PCDHA9: variants seen among roughly 807,000 people sequenced by gnomAD.
The protein encoded by PCDHA9 is protocadherin alpha 9.
In PCDHA9, 62 loss-of-function variants were observed where a neutral mutation model predicts 62.0. The observed-to-expected ratio is 1.00, with a 90% CI of 0.81 to 1.23. PCDHA9 has a LOEUF of 1.23. Ranked by LOEUF, PCDHA9 falls within the 50% of genes most tolerant of loss-of-function variation. PCDHA9 has a pLI of 0.00. For missense variants in PCDHA9, 1,205 were observed against 1,249.8 expected, an observed-to-expected ratio of 0.96 and a Z score of 0.54; for synonymous variants, 557 against 567.6, an observed-to-expected ratio of 0.98 and a Z score of 0.27.
intron 1 of PCDHA9, chr5:140,881,384 G>T (rs1299609025): frequency 2.0e-6 from 2 of 984,186 alleles, no homozygotes; most frequent in Non-Finnish European, 2.4e-6. Flanking sequence ...GCCGGCGGCG[G>T]TAAGTTAAAT....
intron 1 of PCDHA9, among the ~76,000 whole-genome samples, chr5:140,855,122 G>C (rs1327374532): frequency 1.3e-5 from 2 of 149,706 alleles, no homozygotes; most frequent in African/African-American, 4.9e-5. Flanking sequence ...CATTCTATAG[G>C]TAATAATTTT....
intron 1 of PCDHA9, among the ~76,000 whole-genome samples, chr5:140,879,496 C>T (rs186624809): frequency 6.6e-6 from 1 of 152,204 alleles, no homozygotes; most frequent in Admixed American, 6.5e-5. Context: ...GGGTCTGGAT[C>T]TCAGAAGAGA....
chr5:141,009,709 C>T lies in PCDHA9; in HGVS notation c.2625C>T (p.Asn875=). The part of the protein sequence containing the change: ...NSWTFKYGPG[N]PKQSGPGELP... ...GGACCTTTAAATACGGACCAGGCAA[C>T]CCCAAACAATCCGGTCCCGGTGAGT... The change falls in exon 4 of 4, where the codon AAC becomes AAT. Residue 875 remains asparagine (N), a synonymous_variant. Coordinates refer to ENST00000532602, the MANE Select transcript of PCDHA9 (RefSeq NM_031857.2). 1 of 1,614,118 alleles carries T rather than the reference C, an allele frequency of 6.2e-7. No homozygotes were observed. Among genetic ancestry groups the T allele is most frequent in the Non-Finnish European group, 8.5e-7 (1 of 1,180,024 alleles).
At chr5:140,989,723 G>A (rs2097356372) in intron 3 of PCDHA9, among the ~76,000 whole-genome samples, 1 of 152,180 alleles carries the variant, frequency 6.6e-6, no homozygotes, top group African/African-American at 2.4e-5. Flanking sequence ...CAGCTTTGCA[G>A]TTGAAAAGGC....
At chr5:140,948,563 A>AT (rs1400147953) in intron 1 of PCDHA9, among the ~76,000 whole-genome samples, 1 of 151,546 alleles carries the variant, frequency 6.6e-6, no homozygotes, top group African/African-American at 2.4e-5. Flanking sequence ...GTTAAGTTGT[A>AT]TTTTTTAAAG....
chr5:140,932,125 A>G (rs1272736604), intron 1 of PCDHA9, among the ~76,000 whole-genome samples: 1 of 151,932 alleles, frequency 6.6e-6, no homozygotes, highest in African/African-American at 2.4e-5. Context: ...ATAATATTTA[A>G]GATATAAACA....
chr5:140,981,685 C>G lies in PCDHA9; in HGVS notation c.2454-790C>G, dbSNP rs369964011. 6.6e-4 allele frequency among the ~76,000 whole-genome samples: 101 copies of G among 152,166 alleles called. No individual in the cohort carries two copies. In the South Asian group the frequency reaches 0.018, roughly 27 times the overall value. ...TCCTTCCTTTCTTCCTTCCTCCCTT[C>G]CATCATTCATTCATTCATTCATTCA... On this transcript the variant is annotated intron_variant, in intron 2 of 3. Transcript: ENST00000532602.
intron 1 of PCDHA9, chr5:140,863,165 C>G (rs1367294208): frequency 1.5e-6 from 1 of 666,560 alleles, no homozygotes; most frequent in Non-Finnish European, 2.7e-6. Context: ...TGCGAGCTGG[C>G]GCTGACTGCC....
chr5:140,869,274 G>A, intron 1 of PCDHA9: 1 of 1,613,594 alleles, frequency 6.2e-7, no homozygotes. Context: ...TGGAGCTGGC[G>A]GAGCTGGTGC....
At chr5:140,894,947 A>G (rs1257936552) in intron 1 of PCDHA9, among the ~76,000 whole-genome samples, 1 of 152,178 alleles carries the variant, frequency 6.6e-6, no homozygotes, top group Non-Finnish European at 1.5e-5. Flanking sequence ...TTGTCATGAA[A>G]TGATAAAAAT....
At chr5:141,007,145 A>C (rs528280563) in intron 3 of PCDHA9, among the ~76,000 whole-genome samples, 1 of 152,330 alleles carries the variant, frequency 6.6e-6, no homozygotes, top group Admixed American at 6.5e-5. Context: ...CTGACAAAGG[A>C]AACTGTCAAA....
At chr5:140,856,946 G>A (rs372611675) in intron 1 of PCDHA9, 3 of 1,593,218 alleles carry the variant, frequency 1.9e-6, no homozygotes, top group East Asian at 2.2e-5. Context: ...AAGGACGGGA[G>A]AAATAAAAGT....
At position 140,849,104 on chromosome 5, in the gene PCDHA9, A is replaced by G; in HGVS notation, c.609A>G (p.Glu203=). ...TATTACGGAAACTTTTAGACAGAGA[A>G]GAAACTCCGGAGCTTCATTTATTGC... ...GLVLRKLLDR[E]ETPELHLLLT... Residue 203 remains glutamate (E), a synonymous_variant, in exon 1 of 4, where the codon GAA becomes GAG. Coordinates refer to ENST00000532602, the MANE Select transcript of PCDHA9 (RefSeq NM_031857.2). 6.8e-7 allele frequency: 1 copy of G among 1,463,110 alleles called. No individual in the cohort carries two copies. Among genetic ancestry groups the G allele is most frequent in the Non-Finnish European group, 9.3e-7 (1 of 1,078,622 alleles). 90.6% of individuals were successfully genotyped at this position (1,463,110 alleles called of 1,614,324 possible).
intron 1 of PCDHA9, among the ~76,000 whole-genome samples, chr5:140,921,566 T>C (rs775027482): frequency 4.6e-5 from 7 of 152,304 alleles, no homozygotes; most frequent in Middle Eastern, 3.4e-3. Flanking sequence ...TATTATGTTA[T>C]AGTAGAGCTC....
At chr5:140,947,771 T>A (rs1167163964) in intron 1 of PCDHA9, among the ~76,000 whole-genome samples, 1 of 151,706 alleles carries the variant, frequency 6.6e-6, no homozygotes, top group Non-Finnish European at 1.5e-5. Flanking sequence ...AAAATTCTAT[T>A]GTAAATGGAT....
intron 3 of PCDHA9, among the ~76,000 whole-genome samples, chr5:140,991,573 G>C (rs1406319253): frequency 2.0e-5 from 3 of 152,036 alleles, no homozygotes; most frequent in Non-Finnish European, 4.4e-5. Context: ...CCAATAACAG[G>C]CTCCTTATTT....
chr5:140,900,630 G>A (rs1355486036), intron 1 of PCDHA9, among the ~76,000 whole-genome samples: 3 of 152,132 alleles, frequency 2.0e-5, no homozygotes, highest in African/African-American at 7.2e-5. Context: ...TCCAAATCTT[G>A]GCTATTGTGA....
chr5:140,984,964 G>C (rs930753325), intron 3 of PCDHA9, among the ~76,000 whole-genome samples: 1 of 151,818 alleles, frequency 6.6e-6, no homozygotes, highest in Non-Finnish European at 1.5e-5. Context: ...TTGAGACAGA[G>C]TCTCGCTCTG....
At position 140,870,413 on chromosome 5, in the gene PCDHA9, C is replaced by G. The variant is rs200037363; in HGVS notation, c.2394+19524C>G. ...GGGGGTTCGCCTTCTCTGTGGGCCA[C>G]GGCCAGGGTATCCGTGGAGGTGGCC... On this transcript the variant is annotated intron_variant, in intron 1 of 3. Transcript: ENST00000532602. The G allele has an allele frequency of 7.6e-5, 123 of 1,614,124 alleles. No individual in the cohort carries two copies. In the African/African-American group the frequency reaches 1.6e-3, roughly 21 times the overall value.
Sources: gnomAD v4.1 joint callset for allele counts (sites outside exome capture counted in the v4.1 genomes callset) on GRCh38, gnomAD v4.1.1 for gene constraint, MANE v1.5 for transcripts, NCBI Gene and HGNC (gene_info 2026-07-23, HGNC 2026-07-21) for gene names.